Variants in IGF1R observed in about 807,000 individuals in gnomAD.
IGF1R encodes insulin like growth factor 1 receptor, also known as insulin-like growth factor 1 receptor.
IGF1R carries 44 observed loss-of-function variants against 144.6 expected under a neutral mutation model. The observed-to-expected ratio is 0.30, with a 90% CI of 0.24 to 0.39. IGF1R has a LOEUF of 0.39. Ranked by LOEUF, IGF1R falls within the 10% of genes least tolerant of loss-of-function variation. The pLI is 1.00. For missense variants in IGF1R, 1,355 were observed against 1,833.7 expected (o/e 0.74, Z 4.77); for synonymous variants, 795 against 722.8 (o/e 1.10, Z -1.60).
intron 2 of IGF1R, among the ~76,000 whole-genome samples, chr15:98,877,267 T>C (rs570707827): frequency 1.3e-5 from 2 of 152,196 alleles, no homozygotes; most frequent in Non-Finnish European, 2.9e-5. Flanking sequence ...TTAAAAAGCA[T>C]GTACTTCTTT....
intron 18 of IGF1R, among the ~76,000 whole-genome samples, chr15:98,940,111 A>G (rs371085420): frequency 2.0e-5 from 3 of 152,244 alleles, no homozygotes; most frequent in Non-Finnish European, 2.9e-5. Context: ...CTGCCTAATA[A>G]AAACACACAT....
At chr15:98,752,243 T>C (rs1057402623) in intron 2 of IGF1R, among the ~76,000 whole-genome samples, 4 of 152,212 alleles carry the variant, frequency 2.6e-5, no homozygotes, top group Non-Finnish European at 5.9e-5. Context: ...ATGACTGTTT[T>C]CTGAGCCCAC....
chr15:98,764,855 T>C (rs753657145), intron 2 of IGF1R, among the ~76,000 whole-genome samples: 2 of 152,168 alleles, frequency 1.3e-5, no homozygotes, highest in Admixed American at 1.3e-4. Context: ...GGTGAACAAC[T>C]CAGTGACATC....
intron 2 of IGF1R, among the ~76,000 whole-genome samples, chr15:98,848,762 A>G (rs1379983434): frequency 6.6e-6 from 1 of 152,252 alleles, no homozygotes; most frequent in African/African-American, 2.4e-5. Flanking sequence ...AAGGCACAGA[A>G]TAGAACATCT....
intron 2 of IGF1R, among the ~76,000 whole-genome samples, chr15:98,888,916 T>A (rs1267707122): frequency 6.6e-6 from 1 of 152,196 alleles, no homozygotes; most frequent in Non-Finnish European, 1.5e-5. Flanking sequence ...TTCTTGATGT[T>A]TCGCCTTGTG....
chr15:98,810,611 C>T (rs1216312199), intron 2 of IGF1R, among the ~76,000 whole-genome samples: 7 of 150,114 alleles, frequency 4.7e-5, no homozygotes, highest in East Asian at 2.0e-4. Flanking sequence ...TGCGGTGGCG[C>T]GATCTCTGCT....
At chr15:98,842,049 T>C (rs2011183669) in intron 2 of IGF1R, among the ~76,000 whole-genome samples, 1 of 152,238 alleles carries the variant, frequency 6.6e-6, no homozygotes, top group African/African-American at 2.4e-5. Flanking sequence ...TTTTTCCCTG[T>C]AGACAGGAAT....
intron 2 of IGF1R, among the ~76,000 whole-genome samples, chr15:98,828,890 C>T (rs1596337840): frequency 6.8e-6 from 1 of 148,116 alleles, no homozygotes; most frequent in African/African-American, 2.5e-5. Context: ...ATTGTAAAAT[C>T]GAGCAATTCA....
At chr15:98,848,769 ATCT>A (rs1459366267) in intron 2 of IGF1R, among the ~76,000 whole-genome samples, 1 of 152,224 alleles carries the variant, frequency 6.6e-6, no homozygotes, top group Non-Finnish European at 1.5e-5. Context: ...AGAATAGAAC[ATCT>A]TCTGCCAGAA....
chr15:98,948,514 G>C, intron 19 of IGF1R, 60 bp from the exon 20 acceptor site: 1 of 1,554,650 alleles, frequency 6.4e-7, no homozygotes, highest in Non-Finnish European at 8.9e-7. Flanking sequence ...TGGAAAGGAG[G>C]GGGCAGCATT....
At chr15:98,896,690 G>A (rs2014213765) in intron 3 of IGF1R, 67 bp from the exon 4 acceptor site, 1 of 1,496,180 alleles carries the variant, frequency 6.7e-7, no homozygotes, top group Non-Finnish European at 9.2e-7. Flanking sequence ...TATCCTTATG[G>A]TTTTTTTAAT....
intron 1 of IGF1R, among the ~76,000 whole-genome samples, chr15:98,650,208 C>T (rs1033784310): frequency 6.6e-6 from 1 of 152,138 alleles, no homozygotes; most frequent in African/African-American, 2.4e-5. Flanking sequence ...GGGAGGTGCC[C>T]TGCGGAGAGG....
At chr15:98,790,335 T>C (rs1374151013) in intron 2 of IGF1R, among the ~76,000 whole-genome samples, 1 of 152,218 alleles carries the variant, frequency 6.6e-6, no homozygotes, top group Non-Finnish European at 1.5e-5. Context: ...GGGATAGTTT[T>C]GTCCTCCCTC....
rs188767870 is a variant in IGF1R at position 98,751,819 on chromosome 15, G to C, written c.640+43712G>C. Among the ~76,000 whole-genome samples the C allele has an allele frequency of 1.3e-3, 201 of 152,206 alleles. 4 individuals are homozygous for C. The highest frequency in any genetic ancestry group is 4.5e-3 in the African/African-American group (188 of 41,536). On this transcript the variant is annotated intron_variant, in intron 2 of 20. Coordinates refer to ENST00000650285, the MANE Select transcript of IGF1R (RefSeq NM_000875.5). The stretch of plus-strand genomic sequence containing the variant: ...ATTGTCTTTGGGAGAAGCTTCCCAC[G>C]AATAAGAAAAATAAGGGAAGAACAA...
intron 2 of IGF1R, among the ~76,000 whole-genome samples, chr15:98,835,146 C>T (rs1305818343): frequency 6.6e-6 from 1 of 150,896 alleles, no homozygotes; most frequent in East Asian, 1.9e-4. Flanking sequence ...TACACCCACA[C>T]ACACCCACCC....
rs747578999 is a variant in IGF1R, at chr15:98,939,297, G to A, written c.3394G>A (p.Val1132Ile). Residue 1132 changes from valine to isoleucine, a missense_variant, in exon 18 of 21, where the codon GTC (valine) becomes ATC (isoleucine). Transcript: ENST00000650285. ...GMAYLNANKF[V>I]HRDLAARNCM... is the part of the protein sequence containing the mutation. Reference sequence around the variant, plus strand: ...GGCATACCTCAACGCCAATAAGTTCGTCCACAGAGACCTTGCTGCCCGGAA... The same window carrying A: ...GGCATACCTCAACGCCAATAAGTTCATCCACAGAGACCTTGCTGCCCGGAA... 25 of 1,613,964 alleles carry A rather than the reference G, an allele frequency of 1.5e-5. No individual in the cohort carries two copies. The highest frequency in any genetic ancestry group is 6.7e-5 in the Admixed American group (4 of 59,996).
chr15:98,703,340 C>G (rs139461075), intron 1 of IGF1R, among the ~76,000 whole-genome samples: 3 of 152,210 alleles, frequency 2.0e-5, no homozygotes, highest in Admixed American at 1.3e-4. Flanking sequence ...TTTACTCCCT[C>G]GGTGCATGAA....
chr15:98,780,089 TA>T (rs1449461765), intron 2 of IGF1R, among the ~76,000 whole-genome samples: 26 of 147,450 alleles, frequency 1.8e-4, no homozygotes, highest in African/African-American at 6.4e-4. Context: ...GCCAGGTGGC[TA>T]TTTTTTTTTT....
At chr15:98,845,224 C>G (rs2011264485) in intron 2 of IGF1R, among the ~76,000 whole-genome samples, 1 of 152,120 alleles carries the variant, frequency 6.6e-6, no homozygotes, top group Non-Finnish European at 1.5e-5. Context: ...CTCTGACTTT[C>G]CTTGTGAATT....
Sources: allele counts gnomAD v4.1 joint callset (sites outside exome capture counted in the v4.1 genomes callset), GRCh38; gene constraint gnomAD v4.1.1; transcripts MANE v1.5; gene names NCBI Gene and HGNC (gene_info 2026-07-23, HGNC 2026-07-21).